Variants in CHCHD6 observed in about 807,000 individuals in gnomAD.
CHCHD6 encodes MICOS complex subunit MIC25.
CHCHD6 carries 28 observed loss-of-function variants against 32.3 expected under a neutral mutation model. That is an observed-to-expected ratio of 0.87 (90% CI 0.64 to 1.19). The LOEUF is 1.19. CHCHD6 is among the 50% of genes most tolerant of loss of function. The probability of loss-of-function intolerance (pLI) is 0.00; values close to 1 mark genes in which losing one functional copy is unlikely to be tolerated. For synonymous variants in CHCHD6, 122 were observed against 117.5 expected, an observed-to-expected ratio of 1.04 and a Z score of -0.25; for missense variants, 333 against 307.0, an observed-to-expected ratio of 1.08 and a Z score of -0.63.
At chr3:126,766,861 A>G in intron 4 of CHCHD6, 2 of 968,788 alleles carry the variant, frequency 2.1e-6, no homozygotes, top group South Asian at 1.3e-5. Flanking sequence ...AGGGAAGTCA[A>G]ACAGCTTCAC....
At chr3:126,957,924 G>C in intron 7 of CHCHD6, 1 of 366,058 alleles carries the variant, frequency 2.7e-6, no homozygotes, top group East Asian at 6.5e-5. Context: ...CCCGAGTGCA[G>C]AGTGGGGGTC....
At chr3:126,945,595 G>T (rs2078624628) in intron 6 of CHCHD6, among the ~76,000 whole-genome samples, 1 of 144,286 alleles carries the variant, frequency 6.9e-6, no homozygotes, top group Non-Finnish European at 1.5e-5. Flanking sequence ...GAGACTTGAT[G>T]GGGGAGACTC....
intron 5 of CHCHD6, among the ~76,000 whole-genome samples, chr3:126,875,092 C>T (rs1429514545): frequency 6.6e-6 from 1 of 152,232 alleles, no homozygotes; most frequent in Non-Finnish European, 1.5e-5. Flanking sequence ...TCCCACTGGG[C>T]GGAGCTCAGT....
chr3:126,730,644 C>T lies in CHCHD6; in HGVS notation c.266+14C>T. On this transcript the variant is annotated intron_variant, in intron 3 of 7. Coordinates refer to ENST00000290913, the MANE Select transcript of CHCHD6 (RefSeq NM_032343.3). Reference sequence around the variant, plus strand: ...GGGTGTCAAGAGGTGAGCCCGAGAGCCTGCTTGCTCCCGGCACTGCGCTCC... The same window carrying T: ...GGGTGTCAAGAGGTGAGCCCGAGAGTCTGCTTGCTCCCGGCACTGCGCTCC... 1.2e-6 allele frequency: 2 copies of T among 1,611,348 alleles called. No individual in the cohort carries two copies. The highest frequency in any genetic ancestry group is 1.1e-5 in the South Asian group (1 of 90,942).
At chr3:126,906,241 G>A (rs1472293065) in intron 5 of CHCHD6, among the ~76,000 whole-genome samples, 1 of 152,174 alleles carries the variant, frequency 6.6e-6, no homozygotes, top group Non-Finnish European at 1.5e-5. Flanking sequence ...CTCCCTCAGG[G>A]AATGACCCAC....
intron 5 of CHCHD6, among the ~76,000 whole-genome samples, chr3:126,899,860 C>T (rs1270366476): frequency 6.6e-6 from 1 of 152,144 alleles, no homozygotes; most frequent in Non-Finnish European, 1.5e-5. Context: ...TTGTGGTGAC[C>T]TCATCTAGCC....
intron 4 of CHCHD6, among the ~76,000 whole-genome samples, chr3:126,788,220 C>G (rs912933939): frequency 2.0e-5 from 3 of 152,024 alleles, no homozygotes; most frequent in South Asian, 4.1e-4. Flanking sequence ...TTCTGGATTT[C>G]GTTTGCCAGT....
At chr3:126,821,231 G>A (rs1249117077) in intron 4 of CHCHD6, among the ~76,000 whole-genome samples, 4 of 152,152 alleles carry the variant, frequency 2.6e-5, no homozygotes, top group Non-Finnish European at 4.4e-5. Flanking sequence ...TTTGCCAATC[G>A]ATGGACATTT....
intron 4 of CHCHD6, among the ~76,000 whole-genome samples, chr3:126,777,738 C>T (rs1357674310): frequency 6.6e-6 from 1 of 152,220 alleles, no homozygotes; most frequent in East Asian, 1.9e-4. Context: ...ATTTTCAAAG[C>T]TTAAAGAAAA....
At chr3:126,875,821 A>G (rs536770475) in intron 5 of CHCHD6, among the ~76,000 whole-genome samples, 1 of 152,344 alleles carries the variant, frequency 6.6e-6, no homozygotes, top group African/African-American at 2.4e-5. Context: ...TATCAGAAAA[A>G]TCACATCCTG....
At chr3:126,831,108 C>G (rs533918421) in intron 4 of CHCHD6, among the ~76,000 whole-genome samples, 1 of 152,038 alleles carries the variant, frequency 6.6e-6, no homozygotes, top group Non-Finnish European at 1.5e-5. Context: ...ACTGCAAGCT[C>G]CACCTCCCGG....
intron 4 of CHCHD6, among the ~76,000 whole-genome samples, chr3:126,765,983 G>T (rs1453070060): frequency 1.3e-5 from 2 of 152,168 alleles, no homozygotes; most frequent in Non-Finnish European, 2.9e-5. Flanking sequence ...AAGCAGGCCG[G>T]TGACTTTGCC....
At chr3:126,844,256 T>G (rs1941208055) in intron 4 of CHCHD6, among the ~76,000 whole-genome samples, 1 of 152,246 alleles carries the variant, frequency 6.6e-6, no homozygotes, top group African/African-American at 2.4e-5. Context: ...TGTTCAAATC[T>G]TCCATATCCT....
chr3:126,870,718 A>G (rs2077456317), intron 5 of CHCHD6, among the ~76,000 whole-genome samples: 1 of 152,184 alleles, frequency 6.6e-6, no homozygotes, highest in African/African-American at 2.4e-5. Flanking sequence ...CACTATGCCT[A>G]TTAATTTTCA....
intron 4 of CHCHD6, among the ~76,000 whole-genome samples, chr3:126,780,037 C>A (rs1937857466): frequency 6.6e-6 from 1 of 152,212 alleles, no homozygotes; most frequent in Non-Finnish European, 1.5e-5. Flanking sequence ...TGCCAATGAG[C>A]TTATATCACT....
At chr3:126,873,605 A>G (rs1235094712) in intron 5 of CHCHD6, among the ~76,000 whole-genome samples, 1 of 152,218 alleles carries the variant, frequency 6.6e-6, no homozygotes, top group Non-Finnish European at 1.5e-5. Flanking sequence ...GAGTGCCGTG[A>G]TAAGAACTTC....
intron 4 of CHCHD6, among the ~76,000 whole-genome samples, chr3:126,783,534 A>G (rs1464380721): frequency 1.3e-5 from 2 of 152,274 alleles, no homozygotes; most frequent in East Asian, 3.8e-4. Flanking sequence ...AAGTGGTCTT[A>G]TATATAGAAG....
At chr3:126,870,889 C>T (rs1414206737) in intron 5 of CHCHD6, among the ~76,000 whole-genome samples, 1 of 152,226 alleles carries the variant, frequency 6.6e-6, no homozygotes, top group African/African-American at 2.4e-5. Context: ...TGCAAAGCAT[C>T]TGCCTTATCT....
At chr3:126,757,390 G>A (rs1328814158) in intron 4 of CHCHD6, among the ~76,000 whole-genome samples, 1 of 152,180 alleles carries the variant, frequency 6.6e-6, no homozygotes, top group African/African-American at 2.4e-5. Context: ...CACTAAAGCA[G>A]TGATGAGGTG....
Sources: gnomAD v4.1 joint callset for allele counts (sites outside exome capture counted in the v4.1 genomes callset) on GRCh38, gnomAD v4.1.1 for gene constraint, MANE v1.5 for transcripts, NCBI Gene and HGNC (gene_info 2026-07-23, HGNC 2026-07-21) for gene names.